The following POR variants were observed in gnomAD, a reference collection of about 807,000 sequenced individuals.
The protein encoded by POR is NADPH--cytochrome P450 reductase.
POR carries 56 observed loss-of-function variants against 84.0 expected under a neutral mutation model. The observed-to-expected ratio is 0.67, with a 90% CI of 0.54 to 0.83. The LOEUF (loss-of-function observed/expected upper bound fraction) is 0.83. Among genes scored for constraint, POR ranks in the 40% least tolerant of loss-of-function variants. POR has a pLI of 0.00. For synonymous variants in POR, 414 were observed against 400.5 expected (o/e 1.03, Z -0.40); for missense variants, 938 against 944.3 (o/e 0.99, Z 0.09).
intron 12 of POR, 35 bp from the exon 13 acceptor site, chr7:75,985,544 G>GCT: frequency 6.7e-7 from 1 of 1,496,762 alleles, no homozygotes. Context: ...AAGGGCCTCG[G>GCT]TGTGGCGGTG....
intron 3 of POR, among the ~76,000 whole-genome samples, chr7:75,975,518 T>C (rs1163657564): frequency 6.6e-6 from 1 of 152,110 alleles, no homozygotes; most frequent in Non-Finnish European, 1.5e-5. Context: ...TGCGCACCTA[T>C]AGTCCCCGCT....
At chr7:75,969,957 G>T (rs959484179) in intron 2 of POR, among the ~76,000 whole-genome samples, 1 of 152,198 alleles carries the variant, frequency 6.6e-6, no homozygotes, top group African/African-American at 2.4e-5. Flanking sequence ...CGACAGTAGC[G>T]TTGCTGCGTG....
intron 1 of POR, among the ~76,000 whole-genome samples, chr7:75,931,972 C>G (rs1231539042): frequency 6.6e-6 from 1 of 152,228 alleles, no homozygotes; most frequent in Non-Finnish European, 1.5e-5. Context: ...AGCTTTCATC[C>G]TTCCACCTGC....
rs184621430 is a variant in POR, at chr7:75,972,971, T to C, written c.237+510T>C. ...CCGAGTAGCTGGGATTACAGGTGCG[T>C]GCCACCACGCCCAGCTAATTTTTGT... is the stretch of plus-strand genomic sequence containing the variant. On this transcript the variant is annotated intron_variant, in intron 3 of 15. Transcript: ENST00000461988. Among the ~76,000 whole-genome samples, 10 of 151,794 alleles carry C rather than the reference T, an allele frequency of 6.6e-5. No individual in the cohort carries two copies. The East Asian group carries it at 1.8e-3, about 27-fold the overall frequency.
intron 8 of POR, among the ~76,000 whole-genome samples, chr7:75,982,587 A>G (rs1554558276): frequency 6.6e-6 from 1 of 152,182 alleles, no homozygotes; most frequent in African/African-American, 2.4e-5. Flanking sequence ...AGGACAGTGC[A>G]TTGGCCTCTG....
intron 2 of POR, among the ~76,000 whole-genome samples, 162 bp downstream of exon 2, chr7:75,954,342 C>T (rs950647460): frequency 2.0e-5 from 3 of 152,094 alleles, no homozygotes; most frequent in Admixed American, 6.6e-5. Context: ...TGAGCTCTCC[C>T]TTAATCATCT....
Position 75,985,956 on chromosome 7 carries a change from G to T in POR, c.1703G>T (p.Gly568Val). 6.3e-7 allele frequency: 1 copy of T among 1,588,056 alleles called. No homozygotes were observed. Among genetic ancestry groups the T allele is most frequent in the Non-Finnish European group, 8.6e-7 (1 of 1,168,720 alleles). Residue 568 changes from glycine (G) to valine (V), a missense_variant, in exon 14 of 16, where the codon GGC becomes GTC. By Grantham distance (109) the Gly-to-Val change is moderately radical. Transcript: ENST00000461988. ...GTGGGGGAGACGCTGCTGTACTACG[G>T]CTGCCGCCGCTCGGATGAGGACTAC...
intron 2 of POR, among the ~76,000 whole-genome samples, chr7:75,957,993 A>G (rs1379512875): frequency 9.9e-5 from 15 of 152,168 alleles, no homozygotes; most frequent in Admixed American, 5.9e-4. Flanking sequence ...TGTGTCCCCA[A>G]CTGTAAGCTG....
rs200575911 is a variant in POR at position 75,933,376 on chromosome 7, GTTTTTTTTT to G, written c.-5+18219_-5+18227del. On this transcript the variant is annotated intron_variant, in intron 1 of 15. Transcript: ENST00000461988. Reference sequence around the variant, plus strand: ...TCACCATGTTATACAATAGGTCTTTGTTTTTTTTTTTTTTTTTTTTTTTTTTTTTTGAGC... The same window carrying G: ...TCACCATGTTATACAATAGGTCTTTGTTTTTTTTTTTTTTTTTTTTTGAGC... Among the ~76,000 whole-genome samples the G allele has an allele frequency of 1.5e-3, 139 of 92,110 alleles. 1 individual carries two copies. The South Asian group carries it at 0.053, about 35-fold the overall frequency. 60.4% of individuals were successfully genotyped at this position (92,110 alleles called of 152,430 possible).
intron 1 of POR, among the ~76,000 whole-genome samples, chr7:75,947,820 T>C (rs1207038956): frequency 6.6e-6 from 1 of 151,886 alleles, no homozygotes; most frequent in Non-Finnish European, 1.5e-5. Context: ...CCTGTCAGGC[T>C]CTGGGGCAGG....
In POR at chr7:75,985,629, C is replaced by T. The variant is rs1452909538; in HGVS notation, c.1449C>T (p.Thr483=). The T allele has an allele frequency of 6.3e-7, 1 of 1,591,800 alleles. No individual in the cohort carries two copies. Among genetic ancestry groups the T allele is most frequent in the African/African-American group, 1.3e-5 (1 of 74,738 alleles). Residue 483 remains threonine, a synonymous_variant, in exon 13 of 16, where the codon ACC becomes ACT. Coordinates refer to ENST00000461988, the MANE Select transcript of POR (RefSeq NM_000941.3). ...GTGCGGTGGTTGTGGAGTACGAGACCAAGGCTGGCCGCATCAACAAGGGCG... is the reference window on the plus strand; with the variant it reads ...GTGCGGTGGTTGTGGAGTACGAGACTAAGGCTGGCCGCATCAACAAGGGCG...
intron 7 of POR, chr7:75,981,891 C>G: frequency 1.7e-6 from 1 of 573,570 alleles, no homozygotes; most frequent in Non-Finnish European, 3.1e-6. Context: ...AAATCTGCCT[C>G]CACAGACTTG....
At chr7:75,915,291 GGGC>G (rs1554547920) in intron 1 of POR, 112 bp downstream of exon 1, 1 of 152,672 alleles carries the variant, frequency 6.5e-6, no homozygotes, top group Non-Finnish European at 1.5e-5. Context: ...GCGTCGGGGT[GGGC>G]CCTCGGGCCT....
chr7:75,925,478 T>A (rs1807068107), intron 1 of POR, among the ~76,000 whole-genome samples: 1 of 152,154 alleles, frequency 6.6e-6, no homozygotes, highest in African/African-American at 2.4e-5. Flanking sequence ...TAAGCTATGA[T>A]TGCACCACGA....
intron 1 of POR, among the ~76,000 whole-genome samples, chr7:75,921,477 G>A (rs1374371233): frequency 1.3e-5 from 2 of 152,070 alleles, no homozygotes; most frequent in East Asian, 3.9e-4. Context: ...GGCCAGGCTG[G>A]TCTCGAACTC....
At chr7:75,918,214 A>G (rs554840310) in intron 1 of POR, among the ~76,000 whole-genome samples, 63 of 152,078 alleles carry the variant, frequency 4.1e-4, no homozygotes, top group Non-Finnish European at 8.2e-4. Flanking sequence ...GCTGAGGCAG[A>G]AGAATCACTT....
In POR at chr7:75,986,078, G is replaced by T. The variant is rs2116635173; in HGVS notation, c.1815+10G>T. ...GGAGCAGTCCCACAAGGTGAGACGG[G>T]CGGGCACCCACGAAGGTGGGCATGA... is the stretch of plus-strand genomic sequence containing the variant. On this transcript the variant is annotated intron_variant, in intron 14 of 15. Coordinates refer to ENST00000461988, the MANE Select transcript of POR (RefSeq NM_000941.3). 1.9e-6 allele frequency: 3 copies of T among 1,564,632 alleles called. No individual in the cohort carries two copies. In the East Asian group the frequency reaches 7.2e-5, roughly 38 times the overall value.
At chr7:75,981,682 C>T (rs1425394530) in intron 7 of POR, 76 bp downstream of exon 7, 3 of 1,265,800 alleles carry the variant, frequency 2.4e-6, no homozygotes, top group African/African-American at 3.0e-5. Context: ...GGAACAAGGG[C>T]TGGCAGTGGG....
Position 75,984,960 on chromosome 7 carries a change from T to C in POR, c.1248+2T>C. On this transcript the variant is annotated splice_donor_variant, in intron 11 of 15. Transcript: ENST00000461988. LOFTEE classifies it high-confidence loss of function. ...GCCTCCTCCTCCGGCGAGGGCAAGG[T>C]GCGCCCCCTCAGCCCCCGCAACCTC... 1 of 1,588,764 alleles carries C rather than the reference T, an allele frequency of 6.3e-7. No individual in the cohort carries two copies. Among genetic ancestry groups the C allele is most frequent in the Non-Finnish European group, 8.6e-7 (1 of 1,165,442 alleles).
Sources: allele counts gnomAD v4.1 joint callset (sites outside exome capture counted in the v4.1 genomes callset), GRCh38; gene constraint gnomAD v4.1.1; transcripts MANE v1.5; gene names NCBI Gene and HGNC (gene_info 2026-07-23, HGNC 2026-07-21).